The following DOCK3 variants were observed in gnomAD, a reference collection of about 807,000 sequenced individuals.
DOCK3 encodes dedicator of cytokinesis protein 3.
Under a neutral mutation model 265.6 loss-of-function variants are expected in DOCK3, and 60 were observed. The observed-to-expected ratio is 0.23, with a 90% confidence interval of 0.18 to 0.28. The LOEUF (loss-of-function observed/expected upper bound fraction) is 0.28. Ranked by LOEUF, DOCK3 falls within the 10% of genes least tolerant of loss-of-function variation. The pLI is 1.00. For synonymous variants in DOCK3, 881 were observed against 938.0 expected (o/e 0.94, Z 1.11); for missense variants, 1,981 against 2,594.3 (o/e 0.76, Z 5.14).
At chr3:50,824,501 GTAGATA>G (rs547429388) in intron 2 of DOCK3, among the ~76,000 whole-genome samples, 2 of 152,302 alleles carry the variant, frequency 1.3e-5, no homozygotes, top group Non-Finnish European at 2.9e-5. Context: ...TCAAAATGAT[GTAGATA>G]ACTTAAGTCT....
intron 1 of DOCK3, among the ~76,000 whole-genome samples, chr3:50,737,033 G>A (rs565794005): frequency 3.9e-5 from 6 of 152,128 alleles, no homozygotes; most frequent in South Asian, 4.2e-4. Context: ...CGTATCCTTC[G>A]CCCACTTTTT....
intron 22 of DOCK3, among the ~76,000 whole-genome samples, chr3:51,252,030 A>G (rs928948045): frequency 6.6e-6 from 1 of 152,180 alleles, no homozygotes; most frequent in Non-Finnish European, 1.5e-5. Context: ...TCATGAATTA[A>G]TTTTTGTATA....
chr3:51,202,684 C>T (rs1190692804), intron 12 of DOCK3, among the ~76,000 whole-genome samples: 11 of 152,108 alleles, frequency 7.2e-5, no homozygotes, highest in African/African-American at 2.4e-4. Flanking sequence ...CAGCATCATC[C>T]GGATACCAAA....
chr3:51,006,745 G>A (rs979207837), intron 5 of DOCK3, among the ~76,000 whole-genome samples: 5 of 152,070 alleles, frequency 3.3e-5, no homozygotes, highest in Admixed American at 1.3e-4. Flanking sequence ...TTTCCATGAG[G>A]TATTTCTCCT....
chr3:50,732,550 G>C (rs1277979677), intron 1 of DOCK3, among the ~76,000 whole-genome samples: 9 of 152,116 alleles, frequency 5.9e-5, no homozygotes, highest in Admixed American at 5.2e-4. Flanking sequence ...GACTACGGGT[G>C]CACACCATCA....
At chr3:50,711,862 A>G (rs1304555149) in intron 1 of DOCK3, among the ~76,000 whole-genome samples, 1 of 152,050 alleles carries the variant, frequency 6.6e-6, no homozygotes, top group African/African-American at 2.4e-5. Context: ...TGATCTTTTT[A>G]CTTGTTACAG....
intron 32 of DOCK3, among the ~76,000 whole-genome samples, chr3:51,320,141 G>A (rs2083609096): frequency 6.6e-6 from 1 of 152,182 alleles, no homozygotes; most frequent in Non-Finnish European, 1.5e-5. Context: ...ATTGGGACTG[G>A]TTGAACAGTG....
intron 12 of DOCK3, among the ~76,000 whole-genome samples, chr3:51,204,699 A>G (rs1242000122): frequency 6.7e-6 from 1 of 148,716 alleles, no homozygotes; most frequent in African/African-American, 2.5e-5. Context: ...TCATGCTGCT[A>G]TAAAGACACA....
intron 3 of DOCK3, among the ~76,000 whole-genome samples, chr3:50,873,606 A>G (rs1460330738): frequency 2.0e-5 from 3 of 152,180 alleles, no homozygotes; most frequent in African/African-American, 7.2e-5. Context: ...CTGGTTCACC[A>G]CTGGGACTCA....
At chr3:50,957,217 T>G (rs1221149827) in intron 5 of DOCK3, among the ~76,000 whole-genome samples, 1 of 152,214 alleles carries the variant, frequency 6.6e-6, no homozygotes, top group East Asian at 1.9e-4. Context: ...TTCATAATAT[T>G]GCAAATAAAT....
chr3:51,360,757 G>A lies in DOCK3; in HGVS notation c.5006+125G>A, dbSNP rs947325941. On this transcript the variant is annotated intron_variant, in intron 47 of 52. Coordinates refer to ENST00000266037, the MANE Select transcript of DOCK3 (RefSeq NM_004947.5). ...ACCCATGCACACAGCAAACACTTAT[G>A]TGGCTCCTGCCATAGGACCCACACC... is the stretch of plus-strand genomic sequence containing the variant. 24 of 1,342,526 alleles carry A rather than the reference G, an allele frequency of 1.8e-5. No homozygotes were observed. The African/African-American group carries it at 3.4e-4, about 19-fold the overall frequency. The allele number at this position is 1,342,526 out of a possible 1,614,324, so 83.2% of individuals were successfully genotyped here.
chr3:50,929,953 C>G (rs2050966919), intron 4 of DOCK3, among the ~76,000 whole-genome samples: 1 of 152,128 alleles, frequency 6.6e-6, no homozygotes, highest in African/African-American at 2.4e-5. Flanking sequence ...TCACACTTAC[C>G]ACATCACACT....
At chr3:50,844,884 C>T (rs1157177593) in intron 3 of DOCK3, among the ~76,000 whole-genome samples, 1 of 152,080 alleles carries the variant, frequency 6.6e-6, no homozygotes, top group Non-Finnish European at 1.5e-5. Flanking sequence ...GTGTTCTGTT[C>T]CATTGCCAAA....
intron 32 of DOCK3, among the ~76,000 whole-genome samples, chr3:51,320,155 G>A (rs567015746): frequency 5.3e-5 from 8 of 152,322 alleles, no homozygotes; most frequent in Admixed American, 4.6e-4. Context: ...AACAGTGGGT[G>A]CAGCCCACAG....
At chr3:51,185,375 A>C (rs982303704) in intron 12 of DOCK3, among the ~76,000 whole-genome samples, 1 of 152,176 alleles carries the variant, frequency 6.6e-6, no homozygotes, top group Non-Finnish European at 1.5e-5. Flanking sequence ...ATAGGAAAAG[A>C]ATGTCCAACA....
chr3:50,877,159 A>C, intron 3 of DOCK3: 1 of 285,794 alleles, frequency 3.5e-6, no homozygotes. Context: ...TGGGAAAGCC[A>C]CCTGGAAAAG....
chr3:51,061,576 G>C (rs536388933), intron 5 of DOCK3, among the ~76,000 whole-genome samples: 6 of 152,088 alleles, frequency 3.9e-5, no homozygotes, highest in East Asian at 1.9e-4. Flanking sequence ...GTGGGGAGAG[G>C]GGGGAGGGAT....
intron 5 of DOCK3, among the ~76,000 whole-genome samples, chr3:50,998,414 ATGT>A (rs1351446574): frequency 6.6e-6 from 1 of 152,190 alleles, no homozygotes; most frequent in Non-Finnish European, 1.5e-5. Flanking sequence ...GGTGATTCTG[ATGT>A]AGTGAGGGTT....
rs755557223 is a variant in DOCK3, at chr3:51,362,621, CCACT to C, written c.5247_5250del (p.His1749GlnfsTer6). 6.2e-7 allele frequency: 1 copy of C among 1,613,840 alleles called. No individual in the cohort carries two copies. Among genetic ancestry groups the C allele is most frequent in the African/African-American group, 1.3e-5 (1 of 74,924 alleles). On this transcript the variant is annotated frameshift_variant, in exon 49 of 53. Transcript: ENST00000266037. LOFTEE classifies it high-confidence loss of function. ...AGCCCTTCTTCCTCCAGCCTGAGTTCCACTCACTCAGCACCATCCCAGATGATTA... is the reference window on the plus strand; with the variant it reads ...AGCCCTTCTTCCTCCAGCCTGAGTTCCACTCAGCACCATCCCAGATGATTA...
Sources: gnomAD v4.1 joint callset for allele counts (sites outside exome capture counted in the v4.1 genomes callset) on GRCh38, gnomAD v4.1.1 for gene constraint, MANE v1.5 for transcripts, NCBI Gene and HGNC (gene_info 2026-07-23, HGNC 2026-07-21) for gene names.